The following ZC3H12D variants were observed in gnomAD, a reference collection of about 807,000 sequenced individuals.
ZC3H12D encodes probable ribonuclease ZC3H12D.
Under a neutral mutation model 24.2 loss-of-function variants are expected in ZC3H12D, and 11 were observed. The observed-to-expected ratio is 0.46, with a 90% CI of 0.29 to 0.75. The LOEUF (loss-of-function observed/expected upper bound fraction) is 0.75. Among genes scored for constraint, ZC3H12D ranks in the 30% least tolerant of loss-of-function variants. The pLI is 0.11. For missense variants in ZC3H12D, 740 were observed against 767.7 expected (o/e 0.96, Z 0.43); for synonymous variants, 333 against 341.8 (o/e 0.97, Z 0.28).
At chr6:149,461,638 GTTACGC>G in intron 3 of ZC3H12D, 187 bp downstream of exon 3, 1 of 436,930 alleles carries the variant, frequency 2.3e-6, no homozygotes, top group Non-Finnish European at 3.9e-6. Flanking sequence ...AATACCAGGT[GTTACGC>G]TAGGTGCTAG....
At position 149,456,562 on chromosome 6, in the gene ZC3H12D, G is replaced by A; in HGVS notation, c.680+104C>T. 3.0e-6 allele frequency: 3 copies of A among 996,312 alleles called. No homozygotes were observed. The highest frequency in any genetic ancestry group is 5.2e-5 in the East Asian group (2 of 38,178). The allele number at this position is 996,312 out of a possible 1,614,324, so 61.7% of individuals were successfully genotyped here. On this transcript the variant is annotated intron_variant, in intron 4 of 5. Transcript: ENST00000409806. This position sits in a 1 kb window ranked among gnomAD's most constrained non-coding sequence, Gnocchi z 4.3. ...CTCTGTCTGAGGGGCTGGGTGACCG[G>A]GTGACCCCAAGCTCCTCCACCTGGT...
intron 2 of ZC3H12D, among the ~76,000 whole-genome samples, chr6:149,468,188 T>C (rs182734986): frequency 1.1e-3 from 167 of 151,992 alleles, no homozygotes; most frequent in African/African-American, 3.7e-3. Flanking sequence ...TCCACGTTGG[T>C]CAGGCTGGTC....
rs780925259 is a variant in ZC3H12D at position 149,451,374 on chromosome 6, C to T, written c.893G>A (p.Arg298Gln). The T allele has an allele frequency of 1.9e-6, 3 of 1,544,208 alleles. No individual in the cohort carries two copies. The Admixed American group carries it at 5.6e-5, about 29-fold the overall frequency. ...CTGCTCCTCGGCGCCCGCGCCAGGC[C>T]GGGCCCCTGTCTTGGCGCGGAGCTC... is the stretch of plus-strand genomic sequence containing the variant. The part of the protein sequence containing the change: ...ADELRAKTGA[R>Q]PGAGAEEQRP... Residue 298 changes from arginine (R) to glutamine (Q), a missense_variant, in exon 6 of 6, where the codon CGG becomes CAG. Physicochemically the swap from Arg to Gln is conservative, Grantham distance 43 (BLOSUM62 1). Transcript: ENST00000409806.
chr6:149,454,048 A>C (rs1054358022), intron 4 of ZC3H12D, among the ~76,000 whole-genome samples: 1 of 152,172 alleles, frequency 6.6e-6, no homozygotes, highest in African/African-American at 2.4e-5. Context: ...GAGGAAGTGG[A>C]TCCCAGGTGC....
intron 1 of ZC3H12D, among the ~76,000 whole-genome samples, chr6:149,480,348 T>C (rs868130006): frequency 6.6e-6 from 1 of 152,250 alleles, no homozygotes; most frequent in Non-Finnish European, 1.5e-5. Flanking sequence ...TTGCAGCAGA[T>C]GGAGCTGGAG....
At position 149,456,750 on chromosome 6, in the gene ZC3H12D, T is replaced by C. The variant is rs745955567; in HGVS notation, c.596A>G (p.Asn199Ser). 6.2e-7 allele frequency: 1 copy of C among 1,613,844 alleles called. No individual in the cohort carries two copies. The highest frequency in any genetic ancestry group is 1.1e-5 in the South Asian group (1 of 91,082). ...GTTCTCGCTCTGCAGGTCCCGGTAG[T>C]TGTCGTTGGAGACGATGACGCCGTC... ...EQDGVIVSND[N>S]YRDLQSENPE... Residue 199 changes from asparagine (N) to serine (S), a missense_variant, in exon 4 of 6, where the codon AAC becomes AGC. Coordinates refer to ENST00000409806, the MANE Select transcript of ZC3H12D (RefSeq NM_207360.3). The surrounding 1 kb of genome is among the most constrained non-coding windows in gnomAD (Gnocchi z 4.3).
At position 149,456,145 on chromosome 6, in the gene ZC3H12D, G is replaced by A. The variant is rs1304688411; in HGVS notation, c.680+521C>T. ...TGCGTGCCTATAATCTCAGCTACTC[G>A]GGAGGCTGAGGCAGGAGAATTGCTT... On this transcript the variant is annotated intron_variant, in intron 4 of 5. Transcript: ENST00000409806. This position sits in a 1 kb window ranked among gnomAD's most constrained non-coding sequence, Gnocchi z 4.3. 3.9e-5 allele frequency among the ~76,000 whole-genome samples: 6 copies of A among 151,918 alleles called. No homozygotes were observed. The highest frequency in any genetic ancestry group is 1.9e-4 in the East Asian group (1 of 5,154).
At chr6:149,479,025 C>G (rs762069026) in intron 1 of ZC3H12D, among the ~76,000 whole-genome samples, 1 of 152,218 alleles carries the variant, frequency 6.6e-6, no homozygotes, top group Non-Finnish European at 1.5e-5. Flanking sequence ...GACCCCTTCT[C>G]TAGAGCCATG....
At chr6:149,461,290 G>A (rs893601017) in intron 3 of ZC3H12D, among the ~76,000 whole-genome samples, 23 of 150,170 alleles carry the variant, frequency 1.5e-4, no homozygotes, top group Non-Finnish European at 2.8e-4. Context: ...GCAGTGAGCC[G>A]AGATCATGCC....
At chr6:149,483,804 G>A (rs1286305476) in intron 1 of ZC3H12D, among the ~76,000 whole-genome samples, 1 of 151,938 alleles carries the variant, frequency 6.6e-6, no homozygotes, top group African/African-American at 2.4e-5. Flanking sequence ...TCCCTCCCTG[G>A]CCCCACAAAG....
rs1282156339 is a variant in ZC3H12D, at chr6:149,448,382, A to T, written c.*2301T>A. On this transcript the variant is annotated 3_prime_UTR_variant, in exon 6 of 6. Coordinates refer to ENST00000409806, the MANE Select transcript of ZC3H12D (RefSeq NM_207360.3). ...AATCCCAACGCTTTGGGTCTTTACA[A>T]AAAATAGAAAAAATTAGCTGGACGT... The T allele has an allele frequency of 6.6e-6, 1 of 152,138 alleles. No individual in the cohort carries two copies. The highest frequency in any genetic ancestry group is 2.4e-5 in the African/African-American group (1 of 41,432). 9.4% of individuals were successfully genotyped at this position (152,138 alleles called of 1,614,324 possible). A position where few individuals can be genotyped will look rare whatever the true frequency, so the allele number is the denominator to read the frequency against.
chr6:149,483,709 G>A (rs1338629859), intron 1 of ZC3H12D, among the ~76,000 whole-genome samples: 1 of 152,060 alleles, frequency 6.6e-6, no homozygotes, highest in Non-Finnish European at 1.5e-5. Context: ...TCCCATGGCT[G>A]GCAGGGTTTT....
chr6:149,457,159 C>G (rs749744526), intron 3 of ZC3H12D, among the ~76,000 whole-genome samples: 2 of 152,246 alleles, frequency 1.3e-5, no homozygotes, highest in Non-Finnish European at 2.9e-5. Context: ...GAAAGCGATA[C>G]TCTACAAGGG....
intron 4 of ZC3H12D, among the ~76,000 whole-genome samples, chr6:149,454,661 T>TCCTGCCTCCTGGCAGGC (rs1165132709): frequency 1.2e-4 from 19 of 152,376 alleles, no homozygotes; most frequent in African/African-American, 3.8e-4. Flanking sequence ...GGGCGGCAGG[T>TCCTGCCTCCTGGCAGGC]CCTGCCTCCT....
intron 3 of ZC3H12D, among the ~76,000 whole-genome samples, chr6:149,461,192 T>A (rs1182383082): frequency 6.6e-6 from 1 of 151,770 alleles, no homozygotes; most frequent in Non-Finnish European, 1.5e-5. Flanking sequence ...AATATAAAAA[T>A]TAGTTGGGTG....
chr6:149,458,128 C>CTTTTTTTTTTTTTTTTTTTTTTGTTTTT (rs1776016021), intron 3 of ZC3H12D, among the ~76,000 whole-genome samples: 1 of 39,756 alleles, frequency 2.5e-5, no homozygotes, highest in Non-Finnish European at 4.4e-5. Flanking sequence ...TTTTTCGTTT[C>CTTTTTTTTTTTTTTTTTTTTTTGTTTTT]TTTTTTTTTT....
At chr6:149,474,760 T>G (rs1776305173) in intron 1 of ZC3H12D, 147 bp from the exon 2 acceptor site, 1 of 429,690 alleles carries the variant, frequency 2.3e-6, no homozygotes, top group African/African-American at 2.0e-5. Flanking sequence ...TTGCTCAATG[T>G]GGCTGTGGAG....
At chr6:149,459,655 T>TC (rs762826705) in intron 3 of ZC3H12D, 84 of 717,880 alleles carry the variant, frequency 1.2e-4, no homozygotes, top group Non-Finnish European at 1.9e-4. Flanking sequence ...AGAATGGACC[T>TC]CCACTCATTT....
At position 149,450,862 on chromosome 6, in the gene ZC3H12D, C is replaced by G; in HGVS notation, c.1405G>C (p.Ala469Pro). Residue 469 changes from alanine (A) to proline (P), a missense_variant, in exon 6 of 6, where the codon GCG (alanine) becomes CCG (proline). Ala to Pro is a conservative substitution (Grantham distance 27, BLOSUM62 -1). Coordinates refer to ENST00000409806, the MANE Select transcript of ZC3H12D (RefSeq NM_207360.3). ...GCGTCCCCCTCGTCGTCCTCGGTCG[C>G]GTACACTGAAAGTCCCCCAGTGGCG... Reference protein sequence around the residue: ...DGATGGLSVYATEDDEGDARA... With the variant: ...DGATGGLSVYPTEDDEGDARA... 6.5e-7 allele frequency: 1 copy of G among 1,543,250 alleles called. No homozygotes were observed. Among genetic ancestry groups the G allele is most frequent in the Non-Finnish European group, 8.7e-7 (1 of 1,146,670 alleles).
Sources: allele counts gnomAD v4.1 joint callset (sites outside exome capture counted in the v4.1 genomes callset), GRCh38; gene constraint gnomAD v4.1.1; non-coding constraint Gnocchi (gnomAD v3.1); transcripts MANE v1.5; gene names NCBI Gene and HGNC (gene_info 2026-07-23, HGNC 2026-07-21).